NUDT12: variants seen among roughly 807,000 people sequenced by gnomAD.
The protein encoded by NUDT12 is nudix hydrolase 12, also known as NAD-capped RNA hydrolase NUDT12.
Under a neutral mutation model 45.7 loss-of-function variants are expected in NUDT12, and 42 were observed. That is an observed-to-expected ratio of 0.92 (90% confidence interval 0.72 to 1.19). The LOEUF is 1.19. Ranked by LOEUF, NUDT12 falls within the 50% of genes most tolerant of loss-of-function variation. The probability of loss-of-function intolerance (pLI) is 0.00; values close to 1 mark genes in which losing one functional copy is unlikely to be tolerated. For missense variants in NUDT12, 590 were observed against 533.1 expected, an observed-to-expected ratio of 1.11 and a Z score of -1.05; for synonymous variants, 206 against 179.7, an observed-to-expected ratio of 1.15 and a Z score of -1.17.
In NUDT12 at chr5:103,559,414, T is replaced by C. The variant is rs1329597979; in HGVS notation, c.261A>G (p.Val87=). Residue 87 remains valine (V), a synonymous_variant, in exon 3 of 7, where the codon GTA becomes GTG. Coordinates refer to ENST00000230792, the MANE Select transcript of NUDT12 (RefSeq NM_031438.4). ...KSRQTALDIA[V]FWGYKHIANL... ...TAGCTATATGCTTATAACCCCAAAA[T>C]ACAGCAATGTCCAGTGCAGTCTGCC... is the stretch of plus-strand genomic sequence containing the variant. 4 of 1,609,120 alleles carry C rather than the reference T, an allele frequency of 2.5e-6. No homozygotes were observed. The highest frequency in any genetic ancestry group is 1.1e-5 in the South Asian group (1 of 90,010).
intron 5 of NUDT12, among the ~76,000 whole-genome samples, chr5:103,553,451 T>C (rs1282761470): frequency 1.3e-5 from 2 of 152,108 alleles, no homozygotes; most frequent in Non-Finnish European, 2.9e-5. Flanking sequence ...CTCCTCAGAA[T>C]GACAAATTTA....
chr5:103,557,023 A>G (rs1748844456), intron 3 of NUDT12, among the ~76,000 whole-genome samples: 1 of 151,978 alleles, frequency 6.6e-6, no homozygotes. Flanking sequence ...TCACAATAAG[A>G]AAAGCTAACA....
intron 5 of NUDT12, among the ~76,000 whole-genome samples, chr5:103,553,373 T>C (rs1193888506): frequency 6.6e-6 from 1 of 152,022 alleles, no homozygotes; most frequent in Non-Finnish European, 1.5e-5. Flanking sequence ...GAATGCCTAA[T>C]ACACATTTGA....
chr5:103,556,110 A>G lies in NUDT12; in HGVS notation c.797-12T>C. Reference sequence around the variant, plus strand: ...TTGAGCTACAACCCCTTCAAAAAAAAGAAAAGCACAAAAATTTTAATTCTG... The same window carrying G: ...TTGAGCTACAACCCCTTCAAAAAAAGGAAAAGCACAAAAATTTTAATTCTG... On this transcript the variant is annotated splice_polypyrimidine_tract_variant and intron_variant, in intron 3 of 6. Transcript: ENST00000230792. The G allele has an allele frequency of 6.5e-7, 1 of 1,536,168 alleles. No individual in the cohort carries two copies. Among genetic ancestry groups the G allele is most frequent in the Non-Finnish European group, 8.7e-7 (1 of 1,147,714 alleles).
chr5:103,552,429 A>G lies in NUDT12; in HGVS notation c.1079-13T>C. On this transcript the variant is annotated splice_polypyrimidine_tract_variant and intron_variant, in intron 5 of 6. Transcript: ENST00000230792. The stretch of plus-strand genomic sequence containing the variant: ...TCTATTGTCTCTCCTAATGAAATGG[A>G]GCAAAAGAACAAGTTGCTGATGAAC... The G allele has an allele frequency of 1.9e-6, 3 of 1,605,948 alleles. No homozygotes were observed. The highest frequency in any genetic ancestry group is 1.1e-5 in the South Asian group (1 of 90,884).
chr5:103,552,145 T>A, intron 6 of NUDT12, 72 bp downstream of exon 6: 1 of 1,267,256 alleles, frequency 7.9e-7, no homozygotes, highest in Non-Finnish European at 1.1e-6. Context: ...AAAATATGCA[T>A]CCTTGCTCTG....
At position 103,559,368 on chromosome 5, in the gene NUDT12, C is replaced by T. The variant is rs757454755; in HGVS notation, c.307G>A (p.Gly103Ser). 76 of 1,613,146 alleles carry T rather than the reference C, an allele frequency of 4.7e-5. No individual in the cohort carries two copies. Among genetic ancestry groups the T allele is most frequent in the Non-Finnish European group, 6.0e-5 (71 of 1,179,574 alleles). The change falls in exon 3 of 7, where the codon GGT (glycine) becomes AGT (serine). Residue 103 changes from glycine to serine, a missense_variant. Coordinates refer to ENST00000230792, the MANE Select transcript of NUDT12 (RefSeq NM_031438.4). ...GTTAGGAACCAAGGCTTCTTCCCACCTTTAGCAGTAGCTAGTAAATTAGCT... is the reference window on the plus strand; with the variant it reads ...GTTAGGAACCAAGGCTTCTTCCCACTTTTAGCAGTAGCTAGTAAATTAGCT... Reference protein sequence around the residue: ...HIANLLATAKGGKKPWFLTNE... With the variant: ...HIANLLATAKSGKKPWFLTNE...
chr5:103,552,085 C>G lies in NUDT12; in HGVS notation c.1278+132G>C, dbSNP rs1748670021. ...CCTCCTGTATGGAATTACTAATTAC[C>G]ATGTAATCCATGCATAATGAGAGGG... On this transcript the variant is annotated intron_variant, in intron 6 of 6. Coordinates refer to ENST00000230792, the MANE Select transcript of NUDT12 (RefSeq NM_031438.4). 4.6e-6 allele frequency: 3 copies of G among 651,550 alleles called. No individual in the cohort carries two copies. The African/African-American group carries it at 5.4e-5, about 12-fold the overall frequency. 40.4% of individuals were successfully genotyped at this position (651,550 alleles called of 1,614,324 possible).
chr5:103,553,503 G>C (rs1259308039), intron 5 of NUDT12, among the ~76,000 whole-genome samples: 1 of 152,042 alleles, frequency 6.6e-6, no homozygotes, highest in East Asian at 1.9e-4. Context: ...TGGAATAATG[G>C]AACATTTCAT....
In NUDT12 at chr5:103,549,691, T is replaced by G. The variant is rs1192628414; in HGVS notation, c.*1170A>C. On this transcript the variant is annotated 3_prime_UTR_variant, in exon 7 of 7. Transcript: ENST00000230792. Reference sequence around the variant, plus strand: ...GGTCTCTTGTAGCTCTAGCATACATTAGTAAAGATGCAAATTATACAAATT... The same window carrying G: ...GGTCTCTTGTAGCTCTAGCATACATGAGTAAAGATGCAAATTATACAAATT... 6.6e-6 allele frequency: 1 copy of G among 152,076 alleles called. No individual in the cohort carries two copies. The highest frequency in any genetic ancestry group is 1.5e-5 in the Non-Finnish European group (1 of 67,954). 9.4% of individuals were successfully genotyped at this position (152,076 alleles called of 1,614,324 possible).
rs1562617008 is a variant in NUDT12, at chr5:103,552,467, C to T, written c.1079-51G>A. ...GTTGCTGATGAACATGCCCGGGACA[C>T]TTTGTGTCCTGAATGGTTCAAACAT... On this transcript the variant is annotated intron_variant, in intron 5 of 6. Coordinates refer to ENST00000230792, the MANE Select transcript of NUDT12 (RefSeq NM_031438.4). The T allele has an allele frequency of 2.9e-6, 4 of 1,399,002 alleles. No homozygotes were observed. The Admixed American group carries it at 5.1e-5, about 18-fold the overall frequency. 86.7% of individuals were successfully genotyped at this position (1,399,002 alleles called of 1,614,324 possible). A position where few individuals can be genotyped will look rare whatever the true frequency, so the allele number is the denominator to read the frequency against.
At position 103,560,240 on chromosome 5, in the gene NUDT12, A is replaced by G; in HGVS notation, c.9T>C (p.Ser3=). ...TTTCTTGCTTCAGACTTCTTTTTAC[A>G]GAAGACATTTCTTCCTTAAAAGAAG... MS[S]VKRSLKQEIV... Residue 3 remains serine, a synonymous_variant, in exon 2 of 7, where the codon TCT becomes TCC. Coordinates refer to ENST00000230792, the MANE Select transcript of NUDT12 (RefSeq NM_031438.4). 5 of 1,612,044 alleles carry G rather than the reference A, an allele frequency of 3.1e-6. No homozygotes were observed. The highest frequency in any genetic ancestry group is 1.1e-5 in the South Asian group (1 of 90,950).
chr5:103,552,527 T>G (rs1748688735), intron 5 of NUDT12, 111 bp from the exon 6 acceptor site: 1 of 774,012 alleles, frequency 1.3e-6, no homozygotes, highest in African/African-American at 1.7e-5. Flanking sequence ...CCAATGCAAA[T>G]AATCAGAAAG....
At chr5:103,551,115 T>C in intron 6 of NUDT12, 144 bp from the exon 7 acceptor site, 1 of 615,942 alleles carries the variant, frequency 1.6e-6, no homozygotes, top group Non-Finnish European at 2.8e-6. Context: ...CATATTTACA[T>C]GCAAAGTTTT....
chr5:103,559,410 A>C lies in NUDT12; in HGVS notation c.265T>G (p.Trp89Gly). The change falls in exon 3 of 7, where the codon TGG becomes GGG. Residue 89 changes from tryptophan (W) to glycine (G), a missense_variant. Coordinates refer to ENST00000230792, the MANE Select transcript of NUDT12 (RefSeq NM_031438.4). ...RQTALDIAVF[W>G]GYKHIANLLA... ...AAATTAGCTATATGCTTATAACCCC[A>C]AAATACAGCAATGTCCAGTGCAGTC... is the stretch of plus-strand genomic sequence containing the variant. 1 of 1,609,746 alleles carries C rather than the reference A, an allele frequency of 6.2e-7. No homozygotes were observed. The highest frequency in any genetic ancestry group is 1.1e-5 in the South Asian group (1 of 90,142).
chr5:103,549,541 C>T lies in NUDT12; in HGVS notation c.*1320G>A, dbSNP rs1017008410. 2 of 151,818 alleles carry T rather than the reference C, an allele frequency of 1.3e-5. No homozygotes were observed. Among genetic ancestry groups the T allele is most frequent in the Non-Finnish European group, 2.9e-5 (2 of 67,868 alleles). 9.4% of individuals were successfully genotyped at this position (151,818 alleles called of 1,614,324 possible). ...CTTTTACAGGGAGAATCGTCCTCTG[C>T]ATTATATAGTACAGACTGTTGTAAT... On this transcript the variant is annotated 3_prime_UTR_variant, in exon 7 of 7. Coordinates refer to ENST00000230792, the MANE Select transcript of NUDT12 (RefSeq NM_031438.4).
At chr5:103,558,402 CACTT>C (rs1375603500) in intron 3 of NUDT12, among the ~76,000 whole-genome samples, 3 of 152,100 alleles carry the variant, frequency 2.0e-5, no homozygotes, top group East Asian at 1.9e-4. Flanking sequence ...CCAACTTTCA[CACTT>C]ACTTACTTAC....
At chr5:103,551,183 G>A (rs943725924) in intron 6 of NUDT12, among the ~76,000 whole-genome samples, 4 of 151,778 alleles carry the variant, frequency 2.6e-5, no homozygotes, top group Non-Finnish European at 2.9e-5. Context: ...TGCAGTGGTG[G>A]GATCATGGCT....
In NUDT12 at chr5:103,554,759, A is replaced by C; in HGVS notation, c.1059T>G (p.Leu353=). 1 of 1,481,804 alleles carries C rather than the reference A, an allele frequency of 6.7e-7. No individual in the cohort carries two copies. Among genetic ancestry groups the C allele is most frequent in the Non-Finnish European group, 9.1e-7 (1 of 1,099,480 alleles). The allele number at this position is 1,481,804 out of a possible 1,614,324, so 91.8% of individuals were successfully genotyped here. Residue 353 remains leucine, a synonymous_variant, in exon 5 of 7, where the codon CTT becomes CTG. Coordinates refer to ENST00000230792, the MANE Select transcript of NUDT12 (RefSeq NM_031438.4). ...GCTTACCAGGCTCAATAAATCCAGC[A>C]AGGCAAGTAAACATGCCTGGGGGAA... ...KRFPPGMFTC[L]AGFIEPGETI... is the part of the protein sequence containing the mutation.
Sources: allele counts gnomAD v4.1 joint callset (sites outside exome capture counted in the v4.1 genomes callset), GRCh38; gene constraint gnomAD v4.1.1; transcripts MANE v1.5; gene names NCBI Gene and HGNC (gene_info 2026-07-23, HGNC 2026-07-21).